Variants in DDAH1 observed in about 807,000 individuals in gnomAD.
The protein encoded by DDAH1 is dimethylarginine dimethylaminohydrolase 1, also known as N(G),N(G)-dimethylarginine dimethylaminohydrolase 1.
DDAH1 carries 19 observed loss-of-function variants against 28.8 expected under a neutral mutation model. That is an observed-to-expected ratio of 0.66 (90% confidence interval 0.46 to 0.97). The LOEUF is 0.97. Ranked by LOEUF, DDAH1 falls within the 50% of genes least tolerant of loss-of-function variation. DDAH1 has a pLI of 0.00. For missense variants in DDAH1, 326 were observed against 375.9 expected (o/e 0.87, Z 1.10); for synonymous variants, 153 against 154.4 (o/e 0.99, Z 0.07).
chr1:85,529,243 G>C (rs1241152754), intron 1 of DDAH1, among the ~76,000 whole-genome samples: 2 of 152,174 alleles, frequency 1.3e-5, no homozygotes, highest in Non-Finnish European at 2.9e-5. Context: ...AATTAAAACT[G>C]ATGGACTGGT....
At chr1:85,574,853 C>T (rs1054064360) in intron 1 of DDAH1, among the ~76,000 whole-genome samples, 1 of 151,910 alleles carries the variant, frequency 6.6e-6, no homozygotes, top group African/African-American at 2.4e-5. Flanking sequence ...CGAGACCAGC[C>T]TGGCCAACAT....
At chr1:85,477,218 T>A (rs1655834994) in intron 2 of DDAH1, among the ~76,000 whole-genome samples, 1 of 151,952 alleles carries the variant, frequency 6.6e-6, no homozygotes, top group African/African-American at 2.4e-5. Context: ...AAGAGAAAAA[T>A]CTATGTGCTA....
intron 1 of DDAH1, among the ~76,000 whole-genome samples, chr1:85,420,088 T>C (rs1184303642): frequency 1.3e-5 from 2 of 151,942 alleles, no homozygotes; most frequent in Non-Finnish European, 2.9e-5. Context: ...CTAGATGGGG[T>C]TCGACTGGGA....
chr1:85,338,001 C>G (rs1245007373), intron 4 of DDAH1, among the ~76,000 whole-genome samples: 1 of 152,246 alleles, frequency 6.6e-6, no homozygotes, highest in Non-Finnish European at 1.5e-5. Context: ...CTCAAATTCT[C>G]TCTAACAAGC....
intron 1 of DDAH1, among the ~76,000 whole-genome samples, chr1:85,458,249 T>C (rs2100683430): frequency 6.6e-6 from 1 of 152,318 alleles, no homozygotes; most frequent in South Asian, 2.1e-4. Context: ...TGATTCCTCT[T>C]GTCATAGTTG....
intron 1 of DDAH1, among the ~76,000 whole-genome samples, chr1:85,551,684 G>T (rs1658796606): frequency 6.6e-6 from 1 of 152,212 alleles, no homozygotes; most frequent in East Asian, 1.9e-4. Context: ...TACACATGAT[G>T]CTAAAATGGG....
chr1:85,410,811 A>G (rs192422483), intron 1 of DDAH1, among the ~76,000 whole-genome samples: 4 of 152,342 alleles, frequency 2.6e-5, no homozygotes, highest in East Asian at 3.9e-4. Flanking sequence ...CTAAGTTTGT[A>G]TCATAAATAA....
chr1:85,400,341 G>A (rs1257335284), intron 1 of DDAH1, among the ~76,000 whole-genome samples: 1 of 151,696 alleles, frequency 6.6e-6, no homozygotes, highest in African/African-American at 2.4e-5. Context: ...ACAGGTGTGT[G>A]CCACTATGCC....
At chr1:85,376,940 A>G (rs1395026487) in intron 1 of DDAH1, 4 of 152,156 alleles carry the variant, frequency 2.6e-5, no homozygotes, top group African/African-American at 9.6e-5. Flanking sequence ...TGAAGTAGCA[A>G]AACACATTGT....
intron 1 of DDAH1, among the ~76,000 whole-genome samples, chr1:85,416,541 TA>T (rs1652895337): frequency 6.6e-6 from 1 of 152,348 alleles, no homozygotes; most frequent in East Asian, 1.9e-4. Context: ...GAAATGTTCA[TA>T]AAGTTCATAA....
intron 4 of DDAH1, among the ~76,000 whole-genome samples, chr1:85,343,816 A>G (rs751012073): frequency 1.7e-4 from 26 of 152,256 alleles, no homozygotes; most frequent in African/African-American, 2.7e-4. Context: ...CATTTTTTAT[A>G]TGACCATCTA....
chr1:85,431,693 G>A (rs944295891), intron 1 of DDAH1, among the ~76,000 whole-genome samples: 5 of 152,004 alleles, frequency 3.3e-5, no homozygotes, highest in Non-Finnish European at 5.9e-5. Context: ...GACCCTATTA[G>A]GAGGCTCTTG....
At chr1:85,552,777 A>G (rs988030811) in intron 1 of DDAH1, among the ~76,000 whole-genome samples, 1 of 152,192 alleles carries the variant, frequency 6.6e-6, no homozygotes, top group African/African-American at 2.4e-5. Context: ...GAGTCAGTTG[A>G]ACAGTAAGTA....
intron 1 of DDAH1, among the ~76,000 whole-genome samples, chr1:85,524,703 T>C (rs1657804361): frequency 6.6e-6 from 1 of 152,052 alleles, no homozygotes; most frequent in Non-Finnish European, 1.5e-5. Context: ...CTTGTGGCAC[T>C]CTCTGGGATC....
intron 5 of DDAH1, among the ~76,000 whole-genome samples, chr1:85,322,784 A>C (rs962985341): frequency 2.3e-4 from 35 of 152,170 alleles, no homozygotes; most frequent in African/African-American, 8.4e-4. Flanking sequence ...TATTATTAAT[A>C]CTATTGTTAT....
At chr1:85,344,846 T>G (rs540283384) in intron 4 of DDAH1, among the ~76,000 whole-genome samples, 3 of 152,206 alleles carry the variant, frequency 2.0e-5, no homozygotes, top group Admixed American at 2.0e-4. Context: ...CTCTTTCTTA[T>G]GTCTTTTTCC....
intron 2 of DDAH1, among the ~76,000 whole-genome samples, chr1:85,476,693 ACAGGC>A (rs576744289): frequency 9.9e-5 from 15 of 152,270 alleles, no homozygotes; most frequent in African/African-American, 3.4e-4. Flanking sequence ...CAAAGCAGTC[ACAGGC>A]CTGCCCATCA....
chr1:85,391,692 A>G (rs917912110), intron 1 of DDAH1, among the ~76,000 whole-genome samples: 2 of 152,236 alleles, frequency 1.3e-5, no homozygotes, highest in African/African-American at 4.8e-5. Context: ...AGCCATTACC[A>G]AAGTGTTTCA....
intron 1 of DDAH1, among the ~76,000 whole-genome samples, chr1:85,541,432 C>T (rs930775061): frequency 2.6e-5 from 4 of 152,172 alleles, no homozygotes; most frequent in East Asian, 1.9e-4. Flanking sequence ...TATGTCTTGG[C>T]CCTGGCCCTA....
Sources: gnomAD v4.1 joint callset for allele counts (sites outside exome capture counted in the v4.1 genomes callset) on GRCh38, gnomAD v4.1.1 for gene constraint, MANE v1.5 for transcripts, NCBI Gene and HGNC (gene_info 2026-07-23, HGNC 2026-07-21) for gene names.